The following GOPC variants were observed in gnomAD, a reference collection of about 807,000 sequenced individuals.
GOPC encodes the protein golgi associated PDZ and coiled-coil motif containing.
GOPC carries 32 observed loss-of-function variants against 51.2 expected under a neutral mutation model. The ratio of observed to expected loss-of-function variants is 0.63; its 90% CI spans 0.47 to 0.84. GOPC has a LOEUF of 0.84. Among genes scored for constraint, GOPC ranks in the 40% least tolerant of loss-of-function variants. The probability of loss-of-function intolerance (pLI) is 0.00; values close to 1 mark genes in which losing one functional copy is unlikely to be tolerated. For synonymous variants in GOPC, 190 were observed against 205.1 expected, an observed-to-expected ratio of 0.93 and a Z score of 0.63; for missense variants, 441 against 555.5, an observed-to-expected ratio of 0.79 and a Z score of 2.07.
At position 117,566,939 on chromosome 6, in the gene GOPC, G is replaced by A. The variant is rs528426615; in HGVS notation, c.1173C>T (p.Tyr391=). 2 of 1,611,908 alleles carry A rather than the reference G, an allele frequency of 1.2e-6. No homozygotes were observed. Among genetic ancestry groups the A allele is most frequent in the South Asian group, 1.1e-5 (1 of 90,768 alleles). Residue 391 remains tyrosine, a synonymous_variant, in exon 8 of 9, where the codon TAC becomes TAT. Transcript: ENST00000368498. ...CTTCTAACTCATCAAGGTACAAACG[G>A]TAACGATGTCCACTCTCATCTTCAT... is the stretch of plus-strand genomic sequence containing the variant. ...VEYEDESGHR[Y]RLYLDELEGG...
chr6:117,595,335 G>T (rs928794520), intron 1 of GOPC, among the ~76,000 whole-genome samples: 1 of 152,168 alleles, frequency 6.6e-6, no homozygotes, highest in African/African-American at 2.4e-5. Context: ...TCATTCCAAT[G>T]CCTCTCTAGG....
rs141049146 is a variant in GOPC, at chr6:117,562,065, T to C, written c.*1189A>G. The C allele has an allele frequency of 2.6e-3, 545 of 206,434 alleles. 3 individuals carry two copies. The highest frequency in any genetic ancestry group is 0.012 in the African/African-American group (511 of 44,042). The allele number at this position is 206,434 out of a possible 1,614,324, so 12.8% of individuals were successfully genotyped here. ...AAGCTATCACCTCTTTAATGCAATGTTGTGACTTTGCCTAGCAGGTTACAA... is the reference window on the plus strand; with the variant it reads ...AAGCTATCACCTCTTTAATGCAATGCTGTGACTTTGCCTAGCAGGTTACAA... On this transcript the variant is annotated 3_prime_UTR_variant, in exon 9 of 9. Transcript: ENST00000368498.
intron 1 of GOPC, among the ~76,000 whole-genome samples, chr6:117,582,563 A>C (rs976308263): frequency 1.3e-5 from 2 of 151,172 alleles, no homozygotes; most frequent in African/African-American, 4.9e-5. Flanking sequence ...TAGAGAGGAG[A>C]AGCAGCTGGA....
chr6:117,577,560 C>CAAATGATATCCA, intron 2 of GOPC, 89 bp from the exon 3 acceptor site: 1 of 1,009,668 alleles, frequency 9.9e-7, no homozygotes, highest in Non-Finnish European at 1.5e-6. Context: ...GGAAAAATCC[C>CAAATGATATCCA]ACATGTTGGA....
chr6:117,602,396 C>T lies in GOPC; in HGVS notation c.-108G>A. The T allele has an allele frequency of 1.0e-6, 1 of 1,000,446 alleles. No homozygotes were observed. The highest frequency in any genetic ancestry group is 2.6e-5 in the East Asian group (1 of 38,034). The allele number at this position is 1,000,446 out of a possible 1,614,324, so 62.0% of individuals were successfully genotyped here. On this transcript the variant is annotated 5_prime_UTR_variant, in exon 1 of 9. Coordinates refer to ENST00000368498, the MANE Select transcript of GOPC (RefSeq NM_020399.4). Reference sequence around the variant, plus strand: ...CCCCGCGCGCGCGGGCACACTCCGTCACCTCCCTTCACCTCGCGCCGTTAA... The same window carrying T: ...CCCCGCGCGCGCGGGCACACTCCGTTACCTCCCTTCACCTCGCGCCGTTAA...
chr6:117,594,174 T>C (rs922673982), intron 1 of GOPC, among the ~76,000 whole-genome samples: 2 of 152,194 alleles, frequency 1.3e-5, no homozygotes, highest in Non-Finnish European at 2.9e-5. Context: ...ATCTTGTGCC[T>C]TGCTTCTTTT....
In GOPC at chr6:117,602,207, C is replaced by A. The variant is rs199725975; in HGVS notation, c.82G>T (p.Val28Leu). The A allele has an allele frequency of 2.9e-5, 47 of 1,609,474 alleles. 1 individual carries two copies. In the South Asian group the frequency reaches 4.4e-4, roughly 15 times the overall value. The stretch of plus-strand genomic sequence containing the variant: ...ACCTCCAGCCACCGGAACATGGATA[C>A]CCCGCCAGGGGCCCCCACGGAGCAG... Reference protein sequence around the residue: ...ASCSVGAPGGVSMFRWLEVLE... With the variant: ...ASCSVGAPGGLSMFRWLEVLE... The change falls in exon 1 of 9, where the codon GTA (valine) becomes TTA (leucine). Residue 28 changes from valine to leucine, a missense_variant. This residue lies in a region of GOPC where 204 missense variants were observed against 219.8 expected (regional missense o/e 0.93). Coordinates refer to ENST00000368498, the MANE Select transcript of GOPC (RefSeq NM_020399.4).
chr6:117,568,287 C>A (rs895109572), intron 7 of GOPC, among the ~76,000 whole-genome samples: 2 of 152,210 alleles, frequency 1.3e-5, no homozygotes, highest in African/African-American at 4.8e-5. Flanking sequence ...ACTCCAACCA[C>A]TACATATAAG....
rs1040340340 is a variant in GOPC, at chr6:117,577,403, A to C, written c.474+45T>G. 4 of 1,542,474 alleles carry C rather than the reference A, an allele frequency of 2.6e-6. No individual in the cohort carries two copies. In the African/African-American group the frequency reaches 5.5e-5, roughly 21 times the overall value. On this transcript the variant is annotated intron_variant, in intron 3 of 8. Coordinates refer to ENST00000368498, the MANE Select transcript of GOPC (RefSeq NM_020399.4). ...AATATGCAAATAAAACACTAAGAAC[A>C]CTTCAGCGTGACATATTAAAGCAAA...
intron 1 of GOPC, among the ~76,000 whole-genome samples, chr6:117,597,845 C>A (rs1780223157): frequency 1.3e-5 from 2 of 151,354 alleles, no homozygotes; most frequent in Admixed American, 1.3e-4. Flanking sequence ...CAACACTATT[C>A]ACAATAGCCA....
chr6:117,575,527 C>A (rs1779867927), intron 3 of GOPC, 175 bp from the exon 4 acceptor site: 2 of 762,794 alleles, frequency 2.6e-6, no homozygotes, highest in South Asian at 2.7e-5. Flanking sequence ...CTTGGAACTA[C>A]TTCTAGATAA....
Position 117,570,321 on chromosome 6 carries a change from A to G in GOPC, c.912+539T>C, listed in dbSNP as rs186467611. 3.3e-3 allele frequency among the ~76,000 whole-genome samples: 507 copies of G among 152,292 alleles called. 3 individuals carry two copies. Among genetic ancestry groups the G allele is most frequent in the African/African-American group, 0.012 (485 of 41,572 alleles). ...CATTTCTACATTAAGCAATACTAAA[A>G]AAACAAATGATCTTGCTCAGTGCCT... On this transcript the variant is annotated intron_variant, in intron 6 of 8. Transcript: ENST00000368498.
At chr6:117,574,233 AGAGT>A (rs1779846169) in intron 4 of GOPC, among the ~76,000 whole-genome samples, 1 of 151,834 alleles carries the variant, frequency 6.6e-6, no homozygotes, top group South Asian at 2.1e-4. Context: ...CCTGAGCGAC[AGAGT>A]GAGACCCCAT....
At chr6:117,573,817 C>T (rs1465818467) in intron 4 of GOPC, among the ~76,000 whole-genome samples, 185 bp from the exon 5 acceptor site, 1 of 151,852 alleles carries the variant, frequency 6.6e-6, no homozygotes, top group Non-Finnish European at 1.5e-5. Flanking sequence ...GAACAGGTAT[C>T]CTCAAGGGAA....
At chr6:117,589,084 T>C (rs1213520746) in intron 1 of GOPC, among the ~76,000 whole-genome samples, 2 of 152,154 alleles carry the variant, frequency 1.3e-5, no homozygotes, top group Non-Finnish European at 2.9e-5. Context: ...AAAAATCTCA[T>C]AATGTTTTAA....
At chr6:117,597,734 T>C (rs180907224) in intron 1 of GOPC, among the ~76,000 whole-genome samples, 2 of 152,320 alleles carry the variant, frequency 1.3e-5, no homozygotes, top group Admixed American at 1.3e-4. Context: ...ATGTAATCTA[T>C]GTTCTCAAAA....
intron 3 of GOPC, among the ~76,000 whole-genome samples, chr6:117,577,097 G>A (rs1779894417): frequency 1.3e-5 from 2 of 151,972 alleles, no homozygotes; most frequent in African/African-American, 4.8e-5. Flanking sequence ...GAAACTTAAG[G>A]GGGTTAAAAA....
intron 5 of GOPC, among the ~76,000 whole-genome samples, chr6:117,572,242 G>C (rs1202992654): frequency 6.6e-6 from 1 of 151,974 alleles, no homozygotes; most frequent in Non-Finnish European, 1.5e-5. Context: ...ATCTCACTCA[G>C]TTGCTCAAAC....
chr6:117,566,841 G>A lies in GOPC; in HGVS notation c.1258+13C>T. 1 of 1,499,884 alleles carries A rather than the reference G, an allele frequency of 6.7e-7. No homozygotes were observed. Among genetic ancestry groups the A allele is most frequent in the Non-Finnish European group, 8.9e-7 (1 of 1,117,606 alleles). 92.9% of individuals were successfully genotyped at this position (1,499,884 alleles called of 1,614,324 possible). A position where few individuals can be genotyped will look rare whatever the true frequency, so the allele number is the denominator to read the frequency against. Reference sequence around the variant, plus strand: ...ATGAATATGTTAATAATAATTTTTAGAGTGATTTTTACCTTGTAATACTTT... The same window carrying A: ...ATGAATATGTTAATAATAATTTTTAAAGTGATTTTTACCTTGTAATACTTT... On this transcript the variant is annotated intron_variant, in intron 8 of 8. Transcript: ENST00000368498.
Sources: gnomAD v4.1 joint callset for allele counts (sites outside exome capture counted in the v4.1 genomes callset) on GRCh38, gnomAD v4.1.1 for gene constraint, gnomAD v4.1.1 regional missense constraint, MANE v1.5 for transcripts, NCBI Gene and HGNC (gene_info 2026-07-23, HGNC 2026-07-21) for gene names.